The following MAD1L1 variants were observed in gnomAD, a reference collection of about 807,000 sequenced individuals.
MAD1L1 encodes the protein mitotic spindle assembly checkpoint protein MAD1.
In MAD1L1, 95 loss-of-function variants were observed where a neutral mutation model predicts 96.9. That is an observed-to-expected ratio of 0.98 (90% CI 0.83 to 1.16). The LOEUF is 1.16. MAD1L1 is among the 50% of genes most tolerant of loss of function. The pLI is 0.00. For synonymous variants in MAD1L1, 473 were observed against 396.6 expected (o/e 1.19, Z -2.29); for missense variants, 1,007 against 954.4 (o/e 1.06, Z -0.73).
intron 10 of MAD1L1, among the ~76,000 whole-genome samples, chr7:2,191,721 ACT>A (rs1272680103): frequency 6.7e-6 from 1 of 148,884 alleles, no homozygotes; most frequent in Non-Finnish European, 1.5e-5. Flanking sequence ...ACAAAGCAAG[ACT>A]CTGTCTCAAA....
intron 10 of MAD1L1, among the ~76,000 whole-genome samples, chr7:2,189,320 C>A (rs1791607481): frequency 6.6e-6 from 1 of 152,224 alleles, no homozygotes; most frequent in African/African-American, 2.4e-5. Flanking sequence ...AAAGCAGGGG[C>A]TCTAAGAGAT....
In MAD1L1 at chr7:2,069,229, GGGCCAGC is replaced by G. The variant is rs760416604; in HGVS notation, c.1176_1182del (p.Leu393GlyfsTer28). The G allele has an allele frequency of 6.2e-7, 1 of 1,609,014 alleles. No individual in the cohort carries two copies. Among genetic ancestry groups the G allele is most frequent in the Non-Finnish European group, 8.5e-7 (1 of 1,178,034 alleles). On this transcript the variant is annotated frameshift_variant, in exon 12 of 19. Transcript: ENST00000265854. LOFTEE classifies it high-confidence loss of function. Reference sequence around the variant, plus strand: ...AGCAGGACCCGTTTCTGGAGCCTCCGGGCCAGCGCCTCGTGGGTCTCGCGCTTCTTCC... The same window carrying G: ...AGCAGGACCCGTTTCTGGAGCCTCCGGCCTCGTGGGTCTCGCGCTTCTTCC...
At chr7:2,009,911 C>T (rs1003814690) in intron 13 of MAD1L1, among the ~76,000 whole-genome samples, 3 of 151,954 alleles carry the variant, frequency 2.0e-5, no homozygotes, top group African/African-American at 7.3e-5. Context: ...CAGCGCAGTT[C>T]TGTACTGCAC....
At chr7:2,192,259 T>A (rs933460266) in intron 10 of MAD1L1, among the ~76,000 whole-genome samples, 28 of 151,922 alleles carry the variant, frequency 1.8e-4, no homozygotes, top group Non-Finnish European at 7.4e-5. Flanking sequence ...GCCTCCCAAG[T>A]CATTGGGATT....
chr7:1,842,747 G>A (rs542340850), intron 18 of MAD1L1, among the ~76,000 whole-genome samples: 4 of 152,376 alleles, frequency 2.6e-5, no homozygotes, highest in Non-Finnish European at 4.4e-5. Context: ...CAAGGCAGCC[G>A]AGGCCCAGGG....
At chr7:1,916,490 TAG>T (rs761158014) in intron 17 of MAD1L1, among the ~76,000 whole-genome samples, 1 of 151,816 alleles carries the variant, frequency 6.6e-6, no homozygotes, top group African/African-American at 2.4e-5. Flanking sequence ...CTGGGCGGTA[TAG>T]AGAGAGGAGC....
At chr7:1,953,753 C>T (rs1014157514) in intron 16 of MAD1L1, among the ~76,000 whole-genome samples, 3 of 152,240 alleles carry the variant, frequency 2.0e-5, no homozygotes, top group Non-Finnish European at 2.9e-5. Context: ...CACAACGTAT[C>T]TTTAAATGTT....
intron 18 of MAD1L1, among the ~76,000 whole-genome samples, chr7:1,818,534 A>G (rs1419122656): frequency 6.6e-6 from 1 of 152,040 alleles, no homozygotes; most frequent in East Asian, 1.9e-4. Flanking sequence ...ATGTGCCAGC[A>G]CACCTGGCTA....
intron 12 of MAD1L1, among the ~76,000 whole-genome samples, chr7:2,053,837 G>C (rs974991561): frequency 6.6e-6 from 1 of 152,238 alleles, no homozygotes; most frequent in African/African-American, 2.4e-5. Flanking sequence ...CCTCAAAAAA[G>C]AAAGTAGACC....
At chr7:1,990,704 G>T (rs556928539) in intron 14 of MAD1L1, among the ~76,000 whole-genome samples, 1 of 152,228 alleles carries the variant, frequency 6.6e-6, no homozygotes, top group African/African-American at 2.4e-5. Flanking sequence ...GCCCAGGGCC[G>T]CCACTGCTGG....
At position 2,014,610 on chromosome 7, in the gene MAD1L1, G is replaced by T. The variant is rs369074897; in HGVS notation, c.1251C>A (p.Ser417=). ...ERDGMRAILG[S]YDSELTPAEY... ...CGGCCGGGGTCAGCTCGCTGTCGTA[G>T]GACCCCAGGATGGCCCGCATACCGT... Residue 417 remains serine, a synonymous_variant, in exon 13 of 19, where the codon TCC becomes TCA. Coordinates refer to ENST00000265854, the MANE Select transcript of MAD1L1 (RefSeq NM_001013836.2). The T allele has an allele frequency of 1.4e-5, 22 of 1,612,318 alleles. No homozygotes were observed. The African/African-American group carries it at 2.9e-4, about 22-fold the overall frequency.
At chr7:2,073,953 A>C (rs1324863400) in intron 11 of MAD1L1, among the ~76,000 whole-genome samples, 3 of 152,190 alleles carry the variant, frequency 2.0e-5, no homozygotes, top group Non-Finnish European at 4.4e-5. Context: ...CCAAGGCCTG[A>C]TGGCTGACAC....
At chr7:1,920,243 C>T (rs752092234) in intron 17 of MAD1L1, among the ~76,000 whole-genome samples, 18 of 151,262 alleles carry the variant, frequency 1.2e-4, no homozygotes, top group African/African-American at 4.4e-4. Context: ...CGTGTGCGTG[C>T]GTGCGTGCGT....
At chr7:1,829,075 C>T (rs12534763) in intron 18 of MAD1L1, among the ~76,000 whole-genome samples, 65,671 of 152,046 alleles carry the variant, frequency 0.43, 14,561 homozygotes, top group African/African-American at 0.5. Context: ...AACGGAAAGA[C>T]AGACATAAAG....
intron 17 of MAD1L1, among the ~76,000 whole-genome samples, chr7:1,934,591 CAG>C (rs1261683150): frequency 2.1e-4 from 32 of 151,284 alleles, no homozygotes; most frequent in Non-Finnish European, 4.3e-4. Flanking sequence ...GAACCCGAGA[CAG>C]GCAGAGACCC....
intron 18 of MAD1L1, among the ~76,000 whole-genome samples, chr7:1,872,370 A>G (rs1785156080): frequency 6.6e-6 from 1 of 152,134 alleles, no homozygotes; most frequent in Non-Finnish European, 1.5e-5. Context: ...CAGGTGCACC[A>G]GGCCTCCCCA....
intron 11 of MAD1L1, among the ~76,000 whole-genome samples, chr7:2,098,573 C>T (rs1339002340): frequency 2.0e-5 from 3 of 152,180 alleles, no homozygotes; most frequent in Non-Finnish European, 2.9e-5. Context: ...AGGAAGGCTA[C>T]GCTAAGGACG....
At chr7:1,890,739 A>G (rs1268201980) in intron 18 of MAD1L1, among the ~76,000 whole-genome samples, 1 of 152,128 alleles carries the variant, frequency 6.6e-6, no homozygotes. Context: ...TCAGCTCTCC[A>G]TCGCTCAGCA....
intron 12 of MAD1L1, among the ~76,000 whole-genome samples, chr7:2,021,163 C>CG (rs1782772789): frequency 6.6e-6 from 1 of 152,186 alleles, no homozygotes; most frequent in African/African-American, 2.4e-5. Flanking sequence ...CAGTAAGTAT[C>CG]TGCCGTGATA....
Sources: allele counts gnomAD v4.1 joint callset (sites outside exome capture counted in the v4.1 genomes callset), GRCh38; gene constraint gnomAD v4.1.1; transcripts MANE v1.5; gene names NCBI Gene and HGNC (gene_info 2026-07-23, HGNC 2026-07-21).